Variants in LRRC34 observed in about 807,000 individuals in gnomAD.
LRRC34 encodes the protein leucine-rich repeat-containing protein 34.
In LRRC34, 44 loss-of-function variants were observed where a neutral mutation model predicts 48.5. The observed-to-expected ratio is 0.91, with a 90% CI of 0.71 to 1.17. LRRC34 has a LOEUF of 1.17. LRRC34 is among the 50% of genes most tolerant of loss of function. LRRC34 has a pLI of 0.00. For missense variants in LRRC34, 502 were observed against 563.0 expected (o/e 0.89, Z 1.10); for synonymous variants, 192 against 197.6 (o/e 0.97, Z 0.24).
chr3:169,804,333 T>C, intron 5 of LRRC34, 152 bp from the exon 6 acceptor site: 1 of 566,686 alleles, frequency 1.8e-6, no homozygotes, highest in Non-Finnish European at 2.7e-6. Context: ...TCTCGCTCTG[T>C]CGCCCAGGCT....
In LRRC34 at chr3:169,793,572, T is replaced by A. The variant is rs551067647; in HGVS notation, c.*63A>T. The A allele has an allele frequency of 1.0e-5, 12 of 1,187,294 alleles. No individual in the cohort carries two copies. Among genetic ancestry groups the A allele is most frequent in the African/African-American group, 1.5e-5 (1 of 64,750 alleles). The allele number at this position is 1,187,294 out of a possible 1,614,324, so 73.5% of individuals were successfully genotyped here. On this transcript the variant is annotated 3_prime_UTR_variant, in exon 11 of 11. Coordinates refer to ENST00000446859, the MANE Select transcript of LRRC34 (RefSeq NM_001172779.2). Reference sequence around the variant, plus strand: ...TTAATTTATAAAAGAAAATAGGCTATAGAATATTAATCTCTGTGAAACAAT... The same window carrying A: ...TTAATTTATAAAAGAAAATAGGCTAAAGAATATTAATCTCTGTGAAACAAT...
Position 169,800,536 on chromosome 3 carries a change from T to G in LRRC34, c.753+123A>C, listed in dbSNP as rs542204706. 6.1e-6 allele frequency: 3 copies of G among 493,072 alleles called. No homozygotes were observed. In the South Asian group the frequency reaches 1.5e-4, roughly 24 times the overall value. 30.5% of individuals were successfully genotyped at this position (493,072 alleles called of 1,614,324 possible). ...TTAAACATTTTTATAAATAGTAGTT[T>G]ACAAGATATAGTAAGTACATCTCTA... On this transcript the variant is annotated intron_variant, in intron 7 of 10. Coordinates refer to ENST00000446859, the MANE Select transcript of LRRC34 (RefSeq NM_001172779.2).
intron 7 of LRRC34, 79 bp downstream of exon 7, chr3:169,800,580 G>A: frequency 2.5e-6 from 2 of 799,716 alleles, no homozygotes; most frequent in Non-Finnish European, 4.0e-6. Flanking sequence ...GTGTATTCAT[G>A]TACCTTGACA....
At position 169,807,615 on chromosome 3, in the gene LRRC34, T is replaced by C; in HGVS notation, c.352A>G (p.Ile118Val). Residue 118 changes from isoleucine to valine, a missense_variant, in exon 3 of 11, where the codon ATT becomes GTT. Transcript: ENST00000446859. ...TTAATATACAGACAATTCTTTAAAA[T>C]TTTGGAAAGAATCCAAAAATCTTCA... ...TGEDFWILSK[I>V]LKNCLYINGL... The C allele has an allele frequency of 6.2e-7, 1 of 1,611,944 alleles. No individual in the cohort carries two copies. The highest frequency in any genetic ancestry group is 1.3e-5 in the African/African-American group (1 of 74,806).
At position 169,796,380 on chromosome 3, in the gene LRRC34, A is replaced by C. The variant is rs138701364; in HGVS notation, c.909-11T>G. ...TGAGTTATTTTGTTGCTGGCAAAGG[A>C]AAAATAGTTATATTTGAAAATATGA... On this transcript the variant is annotated splice_polypyrimidine_tract_variant and intron_variant, in intron 8 of 10. Coordinates refer to ENST00000446859, the MANE Select transcript of LRRC34 (RefSeq NM_001172779.2). The C allele has an allele frequency of 2.5e-5, 39 of 1,591,826 alleles. No individual in the cohort carries two copies. The African/African-American group carries it at 4.6e-4, about 19-fold the overall frequency.
intron 1 of LRRC34, among the ~76,000 whole-genome samples, chr3:169,811,724 T>C (rs112432498): frequency 0.014 from 2,131 of 152,316 alleles, 20 homozygotes; most frequent in Middle Eastern, 0.034. Context: ...AGTCAGAACG[T>C]GGGTGCCCTA....
chr3:169,796,518 C>T (rs1778994885), intron 8 of LRRC34, 149 bp from the exon 9 acceptor site: 1 of 1,019,978 alleles, frequency 9.8e-7, no homozygotes, highest in East Asian at 2.8e-5. Context: ...TGAAAATTCA[C>T]CATAAAATAT....
chr3:169,793,708 G>A lies in LRRC34; in HGVS notation c.1322C>T (p.Ser441Leu). Reference sequence around the variant, plus strand: ...GTGGTCATAAGATTCTCCATAAGTTGATGTCCAATAATAATGCTTTTTAAG... The same window carrying A: ...GTGGTCATAAGATTCTCCATAAGTTAATGTCCAATAATAATGCTTTTTAAG... ...NGLKKHYYWT[S>L]TYGESYDHSS... Residue 441 changes from serine to leucine, a missense_variant, in exon 11 of 11, where the codon TCA becomes TTA. Coordinates refer to ENST00000446859, the MANE Select transcript of LRRC34 (RefSeq NM_001172779.2). The A allele has an allele frequency of 6.2e-7, 1 of 1,613,730 alleles. No individual in the cohort carries two copies.
At position 169,793,767 on chromosome 3, in the gene LRRC34, A is replaced by G. The variant is rs751518741; in HGVS notation, c.1263T>C (p.Asp421=). 8 of 1,613,874 alleles carry G rather than the reference A, an allele frequency of 5.0e-6. No individual in the cohort carries two copies. Among genetic ancestry groups the G allele is most frequent in the Non-Finnish European group, 5.9e-6 (7 of 1,179,886 alleles). Residue 421 remains aspartate, a synonymous_variant, in exon 11 of 11, where the codon GAT becomes GAC. Coordinates refer to ENST00000446859, the MANE Select transcript of LRRC34 (RefSeq NM_001172779.2). ...DNTDVEPFVV[D]GRVYLAEVSN... ...AGACTTCTGCAAGATATACACGTCC[A>G]TCTACCACAAATGGCTCCACATCTG...
chr3:169,795,763 GTTT>G lies in LRRC34; in HGVS notation c.1065-155_1065-153del, dbSNP rs1236774360. 5.2e-6 allele frequency: 7 copies of G among 1,342,082 alleles called. No individual in the cohort carries two copies. In the African/African-American group the frequency reaches 1.0e-4, roughly 20 times the overall value. The allele number at this position is 1,342,082 out of a possible 1,614,324, so 83.1% of individuals were successfully genotyped here. A position where few individuals can be genotyped will look rare whatever the true frequency, so the allele number is the denominator to read the frequency against. On this transcript the variant is annotated intron_variant, in intron 9 of 10. Coordinates refer to ENST00000446859, the MANE Select transcript of LRRC34 (RefSeq NM_001172779.2). ...TAATTCCTAAAATCCAAGAAACTTA[GTTT>G]TCTAATTAGATCCTTAAGGTACTTA...
chr3:169,800,755 C>A lies in LRRC34; in HGVS notation c.658-1G>T. The A allele has an allele frequency of 6.6e-7, 1 of 1,525,174 alleles. No homozygotes were observed. The allele number at this position is 1,525,174 out of a possible 1,614,324, so 94.5% of individuals were successfully genotyped here. A position where few individuals can be genotyped will look rare whatever the true frequency, so the allele number is the denominator to read the frequency against. ...CAAATGCTATCACACTTTGCATTCC[C>A]TAAAAACAGGTAAATTCATTAAGGA... On this transcript the variant is annotated splice_acceptor_variant, in intron 6 of 10. Transcript: ENST00000446859. LOFTEE classifies it high-confidence loss of function.
chr3:169,794,740 G>A (rs1037591716), intron 10 of LRRC34: 18 of 152,138 alleles, frequency 1.2e-4, no homozygotes, highest in African/African-American at 4.1e-4. Flanking sequence ...ATACAAATAC[G>A]TTGAACTGGT....
intron 10 of LRRC34, chr3:169,795,284 G>T: frequency 2.7e-6 from 1 of 373,376 alleles, no homozygotes; most frequent in Non-Finnish European, 4.7e-6. Context: ...TCAGTGATGT[G>T]TAATACTAAT....
In LRRC34 at chr3:169,806,916, T is replaced by C. The variant is rs752231372; in HGVS notation, c.460A>G (p.Ile154Val). ...AKLLQKQLNL[I>V]YLNLMFNDIG... The stretch of plus-strand genomic sequence containing the variant: ...TCATTAAACATGAGGTTTAAGTAAA[T>C]GAGATTAAGTTGTTTCTATAAGAGA... The change falls in exon 5 of 11, where the codon ATT becomes GTT. Residue 154 changes from isoleucine (I) to valine (V), a missense_variant. Ile to Val is a conservative substitution (Grantham distance 29). Coordinates refer to ENST00000446859, the MANE Select transcript of LRRC34 (RefSeq NM_001172779.2). The C allele has an allele frequency of 7.5e-6, 12 of 1,599,602 alleles. No individual in the cohort carries two copies. In the Admixed American group the frequency reaches 8.4e-5, roughly 11 times the overall value.
intron 1 of LRRC34, among the ~76,000 whole-genome samples, chr3:169,811,935 G>A (rs1779590613): frequency 6.6e-6 from 1 of 152,226 alleles, no homozygotes; most frequent in Middle Eastern, 3.4e-3. Flanking sequence ...GGCCGTTCAG[G>A]GTAGGTGCTT....
intron 5 of LRRC34, among the ~76,000 whole-genome samples, chr3:169,806,605 C>A (rs1479509325): frequency 1.3e-5 from 2 of 152,030 alleles, no homozygotes; most frequent in Admixed American, 1.3e-4. Context: ...TATATTAATA[C>A]TTAAAAAACC....
At chr3:169,809,774 A>G (rs1158724559) in intron 1 of LRRC34, among the ~76,000 whole-genome samples, 2 of 152,176 alleles carry the variant, frequency 1.3e-5, no homozygotes, top group Non-Finnish European at 2.9e-5. Flanking sequence ...CATCTCAGAA[A>G]TGTTGTTTAC....
chr3:169,795,618 C>T lies in LRRC34; in HGVS notation c.1065-7G>A. 1 of 1,605,248 alleles carries T rather than the reference C, an allele frequency of 6.2e-7. No individual in the cohort carries two copies. Among genetic ancestry groups the T allele is most frequent in the African/African-American group, 1.3e-5 (1 of 74,852 alleles). On this transcript the variant is annotated splice_polypyrimidine_tract_variant and splice_region_variant and intron_variant, in intron 9 of 10. Coordinates refer to ENST00000446859, the MANE Select transcript of LRRC34 (RefSeq NM_001172779.2). ...GTTGCTGACTACTGACAACCTGAAA[C>T]CAATAATTCCACAAGGAAAGAATAC...
intron 7 of LRRC34, among the ~76,000 whole-genome samples, chr3:169,798,537 G>T (rs1460419714): frequency 1.3e-5 from 2 of 152,148 alleles, no homozygotes; most frequent in Non-Finnish European, 2.9e-5. Flanking sequence ...AGAGAAGGTA[G>T]TGGCTGTCCT....
Sources: gnomAD v4.1 joint callset for allele counts (sites outside exome capture counted in the v4.1 genomes callset) on GRCh38, gnomAD v4.1.1 for gene constraint, MANE v1.5 for transcripts, NCBI Gene and HGNC (gene_info 2026-07-23, HGNC 2026-07-21) for gene names.